Variants in CFTR observed in about 807,000 individuals in gnomAD.
The protein encoded by CFTR is cystic fibrosis transmembrane conductance regulator.
CFTR carries 181 observed loss-of-function variants against 171.6 expected under a neutral mutation model. The ratio of observed to expected loss-of-function variants is 1.05; its 90% confidence interval spans 0.93 to 1.19. The LOEUF (loss-of-function observed/expected upper bound fraction) is 1.19, where lower values mean the gene tolerates loss of function less well. Among genes scored for constraint, CFTR ranks in the 50% most tolerant of loss-of-function variants. CFTR has a pLI of 0.00. For missense variants in CFTR, 1,968 were observed against 1,734.7 expected, an observed-to-expected ratio of 1.13 and a Z score of -2.39; for synonymous variants, 583 against 608.0, an observed-to-expected ratio of 0.96 and a Z score of 0.60.
chr7:117,641,970 C>T (rs567875763), intron 22 of CFTR, among the ~76,000 whole-genome samples: 1 of 152,278 alleles, frequency 6.6e-6, no homozygotes, highest in South Asian at 2.1e-4. Flanking sequence ...GCTTGAACTT[C>T]ACCAAATTAA....
At chr7:117,566,267 A>ACACACG (rs1444615900) in intron 11 of CFTR, among the ~76,000 whole-genome samples, 9 of 151,314 alleles carry the variant, frequency 5.9e-5, no homozygotes, top group African/African-American at 2.2e-4. Context: ...ACACACACAC[A>ACACACG]CACACACACA....
chr7:117,550,983 A>T (rs956634958), intron 10 of CFTR, among the ~76,000 whole-genome samples: 5 of 152,242 alleles, frequency 3.3e-5, no homozygotes, highest in Non-Finnish European at 5.9e-5. Context: ...GAATAATTGA[A>T]AATATTAACA....
chr7:117,522,379 T>C (rs1798698104), intron 3 of CFTR, among the ~76,000 whole-genome samples: 1 of 152,164 alleles, frequency 6.6e-6, no homozygotes. Context: ...AGGAAAACTG[T>C]CCAGAGCGCG....
In CFTR at chr7:117,611,726, A is replaced by G; in HGVS notation, c.3285A>G (p.Thr1095=). 6.2e-7 allele frequency: 1 copy of G among 1,613,550 alleles called. No homozygotes were observed. The part of the protein sequence containing the change: ...HTANWFLYLS[T]LRWFQMRIEM... ...CCAACTGGTTCTTGTACCTGTCAACACTGCGCTGGTTCCAAATGAGAATAG... is the reference window on the plus strand; with the variant it reads ...CCAACTGGTTCTTGTACCTGTCAACGCTGCGCTGGTTCCAAATGAGAATAG... The change falls in exon 20 of 27, where the codon ACA becomes ACG. Residue 1095 remains threonine, a synonymous_variant. Transcript: ENST00000003084.
chr7:117,513,146 G>A (rs1798548038), intron 3 of CFTR, among the ~76,000 whole-genome samples: 3 of 152,114 alleles, frequency 2.0e-5, no homozygotes, highest in South Asian at 2.1e-4. Flanking sequence ...GCACATAAAT[G>A]TATTTGACAT....
At chr7:117,539,369 T>C (rs965179138) in intron 7 of CFTR, among the ~76,000 whole-genome samples, 1 of 152,120 alleles carries the variant, frequency 6.6e-6, no homozygotes, top group Non-Finnish European at 1.5e-5. Flanking sequence ...TAGTATCTAC[T>C]GTCATAATTT....
At chr7:117,557,284 T>G (rs1027712017) in intron 10 of CFTR, among the ~76,000 whole-genome samples, 30 of 152,112 alleles carry the variant, frequency 2.0e-4, no homozygotes, top group African/African-American at 6.3e-4. Flanking sequence ...TGCTTGGAAT[T>G]TTTATCATTT....
intron 22 of CFTR, 104 bp from the exon 23 acceptor site, chr7:117,642,333 AG>A (rs1792928686): frequency 2.7e-6 from 3 of 1,125,446 alleles, no homozygotes; most frequent in Non-Finnish European, 4.0e-6. Flanking sequence ...CACTGGTGAC[AG>A]GATAAAATAT....
rs142997603 is a variant in CFTR at position 117,495,424 on chromosome 7, T to G, written c.54-8829T>G. ...TTTTGTAGCATTACTTATTATTGCC[T>G]CTCAAGTGCTTGAGTCTTTGAAATC... On this transcript the variant is annotated intron_variant, in intron 1 of 26. Transcript: ENST00000003084. Among the ~76,000 whole-genome samples, 17 of 152,292 alleles carry G rather than the reference T, an allele frequency of 1.1e-4. No individual in the cohort carries two copies. The East Asian group carries it at 3.3e-3, about 29-fold the overall frequency.
intron 1 of CFTR, among the ~76,000 whole-genome samples, chr7:117,482,116 C>T (rs539978231): frequency 6.6e-6 from 1 of 152,260 alleles, no homozygotes; most frequent in Non-Finnish European, 1.5e-5. Context: ...TTTTGTGACT[C>T]TCAATCTGGA....
chr7:117,594,839 A>G (rs1022224836), intron 14 of CFTR, 91 bp from the exon 15 acceptor site: 9 of 1,140,352 alleles, frequency 7.9e-6, no homozygotes, highest in South Asian at 2.6e-5. Flanking sequence ...AAGTAATACT[A>G]TTCTTTTATT....
intron 11 of CFTR, among the ~76,000 whole-genome samples, chr7:117,571,846 G>A (rs758880923): frequency 1.3e-5 from 2 of 151,938 alleles, no homozygotes; most frequent in African/African-American, 2.4e-5. Flanking sequence ...TGAATATTAA[G>A]TGTTTGATAT....
In CFTR at chr7:117,536,648, GA is replaced by G. The variant is rs786204693; in HGVS notation, c.850del (p.Met284Ter). ...VKAYCWEEAM[E>X]KMIENLRQTE... ...GGCATACTGCTGGGAAGAAGCAATG[GA>G]AAAAATGATTGAAAACTTAAGACAG... On this transcript the variant is annotated frameshift_variant, in exon 7 of 27. Coordinates refer to ENST00000003084, the MANE Select transcript of CFTR (RefSeq NM_000492.4). LOFTEE classifies it high-confidence loss of function. The G allele has an allele frequency of 6.2e-7, 1 of 1,611,618 alleles. No individual in the cohort carries two copies.
At chr7:117,484,027 C>A (rs1227318463) in intron 1 of CFTR, among the ~76,000 whole-genome samples, 1 of 152,150 alleles carries the variant, frequency 6.6e-6, no homozygotes, top group African/African-American at 2.4e-5. Flanking sequence ...ATTAAAAATT[C>A]ATCATGATGA....
At chr7:117,588,005 G>A (rs969259222) in intron 12 of CFTR, among the ~76,000 whole-genome samples, 172 bp downstream of exon 12, 2 of 152,042 alleles carry the variant, frequency 1.3e-5, no homozygotes, top group African/African-American at 4.8e-5. Flanking sequence ...TAATGGTATA[G>A]TATCCAGATT....
rs1584795679 is a variant in CFTR at position 117,553,338 on chromosome 7, G to T, written c.1392+4515G>T. On this transcript the variant is annotated intron_variant, in intron 10 of 26. Transcript: ENST00000003084. ...ATCACTATTGATTGACATTTGGGTT[G>T]TTTCCAATATTTTGTTAACACAAAG... Among the ~76,000 whole-genome samples, 4 of 152,208 alleles carry T rather than the reference G, an allele frequency of 2.6e-5. No homozygotes were observed. In the East Asian group the frequency reaches 7.7e-4, roughly 29 times the overall value.
chr7:117,606,531 T>G (rs1005175161), intron 17 of CFTR, 143 bp from the exon 18 acceptor site: 1 of 617,854 alleles, frequency 1.6e-6, no homozygotes, highest in Admixed American at 2.8e-5. Flanking sequence ...AAACAAAAAT[T>G]TCTAAGTCTA....
intron 11 of CFTR, 110 bp downstream of exon 11, chr7:117,559,765 C>A: frequency 1.3e-6 from 1 of 744,602 alleles, no homozygotes; most frequent in South Asian, 1.5e-5. Context: ...ATTTATGTTT[C>A]CTCTATGGGT....
chr7:117,580,178 T>C (rs1208549360), intron 11 of CFTR, among the ~76,000 whole-genome samples: 3 of 152,036 alleles, frequency 2.0e-5, no homozygotes, highest in African/African-American at 7.2e-5. Flanking sequence ...AAAATGTTTT[T>C]TAACATATGC....
Sources: gnomAD v4.1 joint callset for allele counts (sites outside exome capture counted in the v4.1 genomes callset) on GRCh38, gnomAD v4.1.1 for gene constraint, MANE v1.5 for transcripts, NCBI Gene and HGNC (gene_info 2026-07-23, HGNC 2026-07-21) for gene names.